UBFD1: variants seen among roughly 807,000 people sequenced by gnomAD.
UBFD1 encodes ubiquitin domain-containing protein UBFD1.
UBFD1 carries 12 observed loss-of-function variants against 35.1 expected under a neutral mutation model. That is an observed-to-expected ratio of 0.34 (90% CI 0.22 to 0.55). The LOEUF is 0.55. Among genes scored for constraint, UBFD1 ranks in the 20% least tolerant of loss-of-function variants. The probability of loss-of-function intolerance (pLI) is 0.89; values close to 1 mark genes in which losing one functional copy is unlikely to be tolerated. For synonymous variants in UBFD1, 178 were observed against 167.6 expected, an observed-to-expected ratio of 1.06 and a Z score of -0.48; for missense variants, 337 against 410.8, an observed-to-expected ratio of 0.82 and a Z score of 1.55.
In UBFD1 at chr16:23,558,107, C is replaced by A; in HGVS notation, c.183C>A (p.Pro61=). The change falls in exon 2 of 7, where the codon CCC becomes CCA. Residue 61 remains proline (P), a synonymous_variant. Coordinates refer to ENST00000395878, the MANE Select transcript of UBFD1 (RefSeq NM_019116.3). ...RGSLQPAPAQ[P]PGDPAAQASV... ...GCCTGCAGCCGGCCCCGGCCCAGCC[C>A]CCTGGGGACCCCGCAGCCCAGGCCT... The A allele has an allele frequency of 6.3e-7, 1 of 1,574,966 alleles. No homozygotes were observed.
In UBFD1 at chr16:23,572,923, C is replaced by T. The variant is rs971022027; in HGVS notation, c.*2333C>T. The T allele has an allele frequency of 2.6e-5, 4 of 152,194 alleles. No homozygotes were observed. The highest frequency in any genetic ancestry group is 1.9e-4 in the East Asian group (1 of 5,196). The allele number at this position is 152,194 out of a possible 1,614,324, so 9.4% of individuals were successfully genotyped here. A position where few individuals can be genotyped will look rare whatever the true frequency, so the allele number is the denominator to read the frequency against. ...TGTCTGCATGGAAGACCTTGCTGGACGCTCTCGGGAGAGCAGACATAGCAC... is the reference window on the plus strand; with the variant it reads ...TGTCTGCATGGAAGACCTTGCTGGATGCTCTCGGGAGAGCAGACATAGCAC... On this transcript the variant is annotated 3_prime_UTR_variant, in exon 7 of 7. Coordinates refer to ENST00000395878, the MANE Select transcript of UBFD1 (RefSeq NM_019116.3).
At chr16:23,565,388 G>C (rs1422319506) in intron 5 of UBFD1, 1 of 152,222 alleles carries the variant, frequency 6.6e-6, no homozygotes, top group African/African-American at 2.4e-5. Context: ...TACCCTGCTC[G>C]TAGGAAAGTT....
intron 3 of UBFD1, chr16:23,559,911 G>C: frequency 6.6e-7 from 1 of 1,503,824 alleles, no homozygotes; most frequent in Non-Finnish European, 8.9e-7. Context: ...TAAGACCTTG[G>C]TAAAGGGAGG....
At chr16:23,562,931 A>G (rs1240304507) in intron 5 of UBFD1, among the ~76,000 whole-genome samples, 1 of 152,192 alleles carries the variant, frequency 6.6e-6, no homozygotes, top group Non-Finnish European at 1.5e-5. Flanking sequence ...GTCTGATCTT[A>G]GGGCTGATCC....
rs914147836 is a variant in UBFD1, at chr16:23,571,329, T to C, written c.*739T>C. 1.3e-5 allele frequency: 2 copies of C among 152,702 alleles called. No homozygotes were observed. Among genetic ancestry groups the C allele is most frequent in the African/African-American group, 4.8e-5 (2 of 41,468 alleles). 9.5% of individuals were successfully genotyped at this position (152,702 alleles called of 1,614,324 possible). On this transcript the variant is annotated 3_prime_UTR_variant, in exon 7 of 7. Transcript: ENST00000395878. ...GCTCTCACACTTGCTGTGGTGTTCG[T>C]TGAGCAGCAGAGTATCTCCCAGTGA...
Position 23,570,681 on chromosome 16 carries a change from G to A in UBFD1, c.*91G>A. 3.7e-6 allele frequency: 4 copies of A among 1,079,818 alleles called. No homozygotes were observed. The South Asian group carries it at 5.8e-5, about 16-fold the overall frequency. The allele number at this position is 1,079,818 out of a possible 1,614,324, so 66.9% of individuals were successfully genotyped here. ...AGCATCCCTGGATTTCAGAGTTCTG[G>A]AACTTTGTTCATAAAAAATCTATAT... On this transcript the variant is annotated 3_prime_UTR_variant, in exon 7 of 7. Coordinates refer to ENST00000395878, the MANE Select transcript of UBFD1 (RefSeq NM_019116.3).
Position 23,557,775 on chromosome 16 carries a change from C to CGGCGGGGGT in UBFD1, c.25+15_25+23dup. 7.8e-7 allele frequency: 1 copy of CGGCGGGGGT among 1,282,426 alleles called. No homozygotes were observed. Among genetic ancestry groups the CGGCGGGGGT allele is most frequent in the Non-Finnish European group, 9.8e-7 (1 of 1,015,674 alleles). The allele number at this position is 1,282,426 out of a possible 1,614,324, so 79.4% of individuals were successfully genotyped here. A position where few individuals can be genotyped will look rare whatever the true frequency, so the allele number is the denominator to read the frequency against. On this transcript the variant is annotated intron_variant, in intron 1 of 6. Transcript: ENST00000395878. Reference sequence around the variant, plus strand: ...CGGCCGGGGCCCCGGATGGTGAGTGCGGCGGGGGTGGCGGGCGCCGGGCCG... The same window carrying CGGCGGGGGT: ...CGGCCGGGGCCCCGGATGGTGAGTGCGGCGGGGGTGGCGGGGGTGGCGGGCGCCGGGCCG...
At chr16:23,562,771 T>C in intron 5 of UBFD1, 41 bp downstream of exon 5, 1 of 1,532,826 alleles carries the variant, frequency 6.5e-7, no homozygotes, top group Middle Eastern at 1.8e-4. Flanking sequence ...ACTGCCTGCC[T>C]CTGGCACCCA....
chr16:23,558,826 G>T (rs1965876107), intron 2 of UBFD1, among the ~76,000 whole-genome samples: 1 of 150,496 alleles, frequency 6.6e-6, no homozygotes, highest in Admixed American at 6.6e-5. Flanking sequence ...TGTTGCCCAG[G>T]CTGGAGTGTA....
chr16:23,562,512 A>C (rs152460), intron 4 of UBFD1, 113 bp from the exon 5 acceptor site: 217,742 of 972,658 alleles, frequency 0.22, 27,047 homozygotes, highest in African/African-American at 0.43. Context: ...AGGTGATCTG[A>C]CCGCTTTGGC....
At chr16:23,566,215 C>G (rs939714610) in intron 5 of UBFD1, 1 of 152,162 alleles carries the variant, frequency 6.6e-6, no homozygotes, top group African/African-American at 2.4e-5. Context: ...CCCTAAAATC[C>G]AGGCACTCCC....
chr16:23,564,557 T>G (rs1965984261), intron 5 of UBFD1: 1 of 152,262 alleles, frequency 6.6e-6, no homozygotes, highest in South Asian at 2.1e-4. Flanking sequence ...CAGGTGATTT[T>G]GCTTAGTTCT....
intron 5 of UBFD1, among the ~76,000 whole-genome samples, chr16:23,563,175 T>TGG (rs1567399795): frequency 6.6e-6 from 1 of 151,058 alleles, no homozygotes; most frequent in Non-Finnish European, 1.5e-5. Flanking sequence ...AGCCGAGTGG[T>TGG]GGTTTCCAGT....
At chr16:23,560,377 C>A (rs577327261) in intron 3 of UBFD1, among the ~76,000 whole-genome samples, 5 of 152,132 alleles carry the variant, frequency 3.3e-5, no homozygotes, top group Non-Finnish European at 7.4e-5. Context: ...TTTTACCTGG[C>A]AAATTATACT....
intron 6 of UBFD1, chr16:23,568,794 C>A (rs1388055560): frequency 6.6e-6 from 1 of 151,970 alleles, no homozygotes; most frequent in East Asian, 2.0e-4. Context: ...TGCCACTACA[C>A]TCCAGCCTAG....
intron 6 of UBFD1, among the ~76,000 whole-genome samples, chr16:23,567,350 C>T (rs1370090456): frequency 1.3e-5 from 2 of 152,172 alleles, no homozygotes; most frequent in African/African-American, 2.4e-5. Flanking sequence ...TCCCTCTTGT[C>T]GTGTGTTGTT....
At chr16:23,562,827 C>T (rs1965957006) in intron 5 of UBFD1, 97 bp downstream of exon 5, 1 of 1,029,876 alleles carries the variant, frequency 9.7e-7, no homozygotes, top group Non-Finnish European at 1.5e-6. Context: ...CCTTCTGAAA[C>T]CTCTCTCTCC....
At chr16:23,567,968 T>C (rs1365464582) in intron 6 of UBFD1, among the ~76,000 whole-genome samples, 1 of 152,198 alleles carries the variant, frequency 6.6e-6, no homozygotes, top group African/African-American at 2.4e-5. Flanking sequence ...CCTCTTGCTA[T>C]AGAAAAAAAT....
Position 23,557,955 on chromosome 16 carries a change from G to A in UBFD1, c.31G>A (p.Glu11Lys), listed in dbSNP as rs1338769479. The A allele has an allele frequency of 7.4e-7, 1 of 1,354,096 alleles. No homozygotes were observed. The highest frequency in any genetic ancestry group is 1.5e-5 in the African/African-American group (1 of 66,272). The allele number at this position is 1,354,096 out of a possible 1,614,324, so 83.9% of individuals were successfully genotyped here. The change falls in exon 2 of 7, where the codon GAG (glutamate) becomes AAG (lysine). Residue 11 changes from glutamate (E) to lysine (K), a missense_variant. Physicochemically the swap from Glu to Lys is moderately conservative, Grantham distance 56 (BLOSUM62 1). This residue lies in a region of UBFD1 where 198 missense variants were observed against 168.4 expected (regional missense o/e 1.18). Coordinates refer to ENST00000395878, the MANE Select transcript of UBFD1 (RefSeq NM_019116.3). ...ACCCCCTAACCCCCTTGCAGGCATG[G>A]AGGAACCTGGCATGGACACGGAGGC... MAAAGAPDGM[E>K]EPGMDTEAET... is the part of the protein sequence containing the mutation.
Sources: gnomAD v4.1 joint callset for allele counts (sites outside exome capture counted in the v4.1 genomes callset) on GRCh38, gnomAD v4.1.1 for gene constraint, gnomAD v4.1.1 regional missense constraint, MANE v1.5 for transcripts, NCBI Gene and HGNC (gene_info 2026-07-23, HGNC 2026-07-21) for gene names.